The following PREX2 variants were observed in gnomAD, a reference collection of about 807,000 sequenced individuals.
PREX2 encodes the protein phosphatidylinositol-3,4,5-trisphosphate dependent Rac exchange factor 2, also known as phosphatidylinositol 3,4,5-trisphosphate-dependent Rac exchanger 2 protein.
In PREX2, 107 loss-of-function variants were observed where a neutral mutation model predicts 203.2. The ratio of observed to expected loss-of-function variants is 0.53; its 90% CI spans 0.45 to 0.62. The LOEUF (loss-of-function observed/expected upper bound fraction) is 0.62, where lower values mean the gene tolerates loss of function less well. PREX2 is among the 20% of genes least tolerant of loss of function. The pLI, the probability that PREX2 is intolerant of heterozygous loss-of-function variation, is 0.00. For missense variants in PREX2, 1,777 were observed against 1,955.9 expected (o/e 0.91, Z 1.72); for synonymous variants, 672 against 663.6 (o/e 1.01, Z -0.19).
chr8:68,115,865 T>A lies in PREX2; in HGVS notation c.3259T>A (p.Phe1087Ile). Residue 1087 changes from phenylalanine (F) to isoleucine (I), a missense_variant, in exon 26 of 40, where the codon TTT (phenylalanine) becomes ATT (isoleucine). By Grantham distance (21) the Phe-to-Ile change is conservative. Coordinates refer to ENST00000288368, the MANE Select transcript of PREX2 (RefSeq NM_024870.4). ...AGAAAGAAACAGCAAACGGGTATGT[T>A]TTAATGTAGCAGGAGATGAACAGGA... ...KGERNSKRVC[F>I]NVAGDEQEDS... 2 of 1,614,004 alleles carry A rather than the reference T, an allele frequency of 1.2e-6. No individual in the cohort carries two copies. The highest frequency in any genetic ancestry group is 1.7e-6 in the Non-Finnish European group (2 of 1,179,946).
chr8:68,216,674 A>G (rs1039498013), intron 37 of PREX2, among the ~76,000 whole-genome samples: 3 of 152,160 alleles, frequency 2.0e-5, no homozygotes, highest in South Asian at 2.1e-4. Context: ...TGCCTTAAAG[A>G]AAAGGAAAAG....
At chr8:68,002,338 T>C (rs1806966095) in intron 1 of PREX2, among the ~76,000 whole-genome samples, 1 of 151,916 alleles carries the variant, frequency 6.6e-6, no homozygotes, top group African/African-American at 2.4e-5. Flanking sequence ...GTAGAGATAG[T>C]GTTTTGCCAT....
At chr8:68,167,896 C>A (rs1364091967) in intron 35 of PREX2, among the ~76,000 whole-genome samples, 1 of 152,040 alleles carries the variant, frequency 6.6e-6, no homozygotes, top group Non-Finnish European at 1.5e-5. Context: ...AAATATGATC[C>A]CGAGACAAGC....
chr8:68,054,163 T>A (rs1316011338), intron 9 of PREX2, among the ~76,000 whole-genome samples: 1 of 152,218 alleles, frequency 6.6e-6, no homozygotes, highest in Non-Finnish European at 1.5e-5. Flanking sequence ...TACATACTTG[T>A]AGAATTTCCA....
chr8:68,172,760 G>A (rs1811905319), intron 35 of PREX2, among the ~76,000 whole-genome samples: 1 of 152,122 alleles, frequency 6.6e-6, no homozygotes, highest in Non-Finnish European at 1.5e-5. Context: ...TGTAGTTATG[G>A]AAGCTGGGAT....
rs534321514 is a variant in PREX2, at chr8:68,068,027, T to C, written c.1340-1006T>C. Among the ~76,000 whole-genome samples, 28 of 152,246 alleles carry C rather than the reference T, an allele frequency of 1.8e-4. No homozygotes were observed. In the East Asian group the frequency reaches 5.2e-3, roughly 28 times the overall value. On this transcript the variant is annotated intron_variant, in intron 11 of 39. Coordinates refer to ENST00000288368, the MANE Select transcript of PREX2 (RefSeq NM_024870.4). ...GATGCATCATAATTTTTCATTTGCA[T>C]GTGTTGAACCACCCTTAGTTCTCAA... is the stretch of plus-strand genomic sequence containing the variant.
chr8:67,969,633 G>A (rs928230520), intron 1 of PREX2, among the ~76,000 whole-genome samples: 5 of 152,144 alleles, frequency 3.3e-5, no homozygotes, highest in African/African-American at 1.2e-4. Flanking sequence ...CACCTAGGAA[G>A]GTTTATTAAT....
At chr8:68,035,920 C>T (rs1401283879) in intron 6 of PREX2, among the ~76,000 whole-genome samples, 1 of 152,084 alleles carries the variant, frequency 6.6e-6, no homozygotes, top group African/African-American at 2.4e-5. Context: ...TGCGGCATAA[C>T]CATGAATTCT....
At chr8:68,080,867 TTTG>T in intron 17 of PREX2, 29 bp downstream of exon 17, 1 of 1,185,198 alleles carries the variant, frequency 8.4e-7, no homozygotes, top group Non-Finnish European at 1.2e-6. Flanking sequence ...TTAATTTAAA[TTTG>T]TTATCATGAC....
intron 39 of PREX2, among the ~76,000 whole-genome samples, chr8:68,226,023 T>C (rs1051623796): frequency 5.3e-5 from 8 of 152,026 alleles, no homozygotes; most frequent in African/African-American, 1.9e-4. Flanking sequence ...AAGAAACCAA[T>C]GAATTTGCTT....
chr8:68,221,278 G>T (rs1232462884), intron 38 of PREX2, among the ~76,000 whole-genome samples: 1 of 152,150 alleles, frequency 6.6e-6, no homozygotes, highest in African/African-American at 2.4e-5. Context: ...TGGGCACTTA[G>T]GTTGATTCCA....
At chr8:68,154,884 AGAGGTGGGGAATGTAG>A (rs565022846) in intron 34 of PREX2, among the ~76,000 whole-genome samples, 14 of 152,302 alleles carry the variant, frequency 9.2e-5, no homozygotes, top group African/African-American at 3.1e-4. Flanking sequence ...AGGCGATGGG[AGAGGTGGGGAATGTAG>A]GAGGCAGTAA....
intron 35 of PREX2, among the ~76,000 whole-genome samples, chr8:68,172,342 A>T (rs1811893032): frequency 6.6e-6 from 1 of 152,198 alleles, no homozygotes; most frequent in Non-Finnish European, 1.5e-5. Flanking sequence ...AAACTAAAGA[A>T]CTGCGGGTAC....
chr8:67,964,938 T>G (rs1476645893), intron 1 of PREX2, among the ~76,000 whole-genome samples: 3 of 152,226 alleles, frequency 2.0e-5, no homozygotes, highest in Admixed American at 2.0e-4. Flanking sequence ...GTTCTGCTGA[T>G]GAATCACAGC....
At chr8:68,050,449 C>T (rs1808494520) in intron 8 of PREX2, among the ~76,000 whole-genome samples, 1 of 152,098 alleles carries the variant, frequency 6.6e-6, no homozygotes, top group Non-Finnish European at 1.5e-5. Flanking sequence ...ACATTTTAAA[C>T]AACCAGATCT....
At chr8:68,015,371 C>G (rs1486228256) in intron 1 of PREX2, among the ~76,000 whole-genome samples, 2 of 152,152 alleles carry the variant, frequency 1.3e-5, no homozygotes, top group Non-Finnish European at 2.9e-5. Flanking sequence ...GTCAGAAATG[C>G]TAACAAGTTC....
At chr8:68,013,031 G>A (rs867415499) in intron 1 of PREX2, among the ~76,000 whole-genome samples, 3 of 152,278 alleles carry the variant, frequency 2.0e-5, no homozygotes, top group African/African-American at 7.2e-5. Context: ...GTGCAGTCTG[G>A]TGGTCTTCAT....
intron 1 of PREX2, among the ~76,000 whole-genome samples, chr8:67,957,880 A>G (rs1805532514): frequency 6.6e-6 from 1 of 152,176 alleles, no homozygotes; most frequent in Non-Finnish European, 1.5e-5. Context: ...GGGCCTTTAA[A>G]TAGGTGATAG....
intron 14 of PREX2, among the ~76,000 whole-genome samples, chr8:68,073,734 A>G (rs138668334): frequency 5.9e-5 from 9 of 152,226 alleles, no homozygotes; most frequent in Non-Finnish European, 1.2e-4. Context: ...TTCTATGTTC[A>G]TTATTGGAGT....
Sources: gnomAD v4.1 joint callset for allele counts (sites outside exome capture counted in the v4.1 genomes callset) on GRCh38, gnomAD v4.1.1 for gene constraint, MANE v1.5 for transcripts, NCBI Gene and HGNC (gene_info 2026-07-23, HGNC 2026-07-21) for gene names.